The following HECTD4 variants were observed in gnomAD, a reference collection of about 807,000 sequenced individuals.
HECTD4 encodes HECT domain E3 ubiquitin protein ligase 4.
HECTD4 carries 114 observed loss-of-function variants against 471.5 expected under a neutral mutation model. The ratio of observed to expected loss-of-function variants is 0.24; its 90% confidence interval spans 0.21 to 0.28. The LOEUF (loss-of-function observed/expected upper bound fraction) is 0.28. Among genes scored for constraint, HECTD4 ranks in the 10% least tolerant of loss-of-function variants. The probability of loss-of-function intolerance (pLI) is 1.00; values close to 1 mark genes in which losing one functional copy is unlikely to be tolerated. For synonymous variants in HECTD4, 2,012 were observed against 2,256.0 expected, an observed-to-expected ratio of 0.89 and a Z score of 3.07; for missense variants, 3,866 against 5,651.5, an observed-to-expected ratio of 0.68 and a Z score of 10.13.
In HECTD4 at chr12:112,184,799, C is replaced by T. The variant is rs1376746425; in HGVS notation, c.10167G>A (p.Leu3389=). 4 of 1,610,100 alleles carry T rather than the reference C, an allele frequency of 2.5e-6. No individual in the cohort carries two copies. Among genetic ancestry groups the T allele is most frequent in the Non-Finnish European group, 3.4e-6 (4 of 1,177,434 alleles). ...AGCGGCTGTGGGCGGTGGGGCCCAC[C>T]AGGGCCTGGCAGGCATCGGCGATGG... ...SDAIADACQA[L]VGPTAHSRLL... The change falls in exon 61 of 76, where the codon CTG becomes CTA. Residue 3389 remains leucine (L), a synonymous_variant. Coordinates refer to ENST00000682272, the MANE Select transcript of HECTD4 (RefSeq NM_001388303.1). The surrounding 1 kb of genome is among the most constrained non-coding windows in gnomAD (Gnocchi z 9.1).
Position 112,175,909 on chromosome 12 carries a change from G to T in HECTD4, c.11471-50C>A, listed in dbSNP as rs780837085. ...GAATCTGGTGAGACCTGCGCACATC[G>T]CGCGCCTCCAACGTGCTCTGCTCTC... On this transcript the variant is annotated intron_variant, in intron 65 of 75. Coordinates refer to ENST00000682272, the MANE Select transcript of HECTD4 (RefSeq NM_001388303.1). The T allele has an allele frequency of 3.0e-5, 48 of 1,603,336 alleles. 1 individual carries two copies. In the South Asian group the frequency reaches 5.4e-4, roughly 18 times the overall value.
Position 112,239,856 on chromosome 12 carries a change from C to T in HECTD4, c.5105+25G>A. ...ACTATACTGCAGGGTAACTTACATA[C>T]AACAAAAGGCCTTTCCGTACTTACC... On this transcript the variant is annotated intron_variant, in intron 33 of 75. Coordinates refer to ENST00000682272, the MANE Select transcript of HECTD4 (RefSeq NM_001388303.1). The surrounding 1 kb of genome is among the most constrained non-coding windows in gnomAD (Gnocchi z 4.9). 1.3e-6 allele frequency: 2 copies of T among 1,591,256 alleles called. No homozygotes were observed. Among genetic ancestry groups the T allele is most frequent in the Non-Finnish European group, 1.7e-6 (2 of 1,165,230 alleles).
chr12:112,328,192 G>A (rs2035783830), intron 1 of HECTD4, among the ~76,000 whole-genome samples: 1 of 151,976 alleles, frequency 6.6e-6, no homozygotes, highest in Admixed American at 6.6e-5. Flanking sequence ...AGGCTGGAGT[G>A]CAGTGGTGCA....
chr12:112,217,712 T>G (rs2032963794), intron 45 of HECTD4, among the ~76,000 whole-genome samples: 1 of 152,272 alleles, frequency 6.6e-6, no homozygotes, highest in Admixed American at 6.5e-5. Flanking sequence ...TTACTATCCC[T>G]TTAAGACACT....
intron 65 of HECTD4, among the ~76,000 whole-genome samples, 175 bp from the exon 66 acceptor site, chr12:112,176,034 T>C (rs1243690034): frequency 6.6e-6 from 1 of 152,220 alleles, no homozygotes; most frequent in Non-Finnish European, 1.5e-5. Flanking sequence ...GCGCACAGGA[T>C]ACTCATAAGC....
chr12:112,361,973 T>G (rs191343080), intron 1 of HECTD4, among the ~76,000 whole-genome samples: 1 of 152,194 alleles, frequency 6.6e-6, no homozygotes, highest in South Asian at 2.1e-4. Flanking sequence ...AAGCACCAAA[T>G]AGAACTACTT....
intron 59 of HECTD4, among the ~76,000 whole-genome samples, 184 bp downstream of exon 59, chr12:112,192,376 A>G (rs2032107893): frequency 1.3e-5 from 2 of 152,242 alleles, no homozygotes; most frequent in South Asian, 2.1e-4. Context: ...GGTAGGAAAG[A>G]TAAGTCTTTT....
intron 1 of HECTD4, among the ~76,000 whole-genome samples, chr12:112,345,604 G>A (rs540599795): frequency 6.6e-6 from 1 of 152,242 alleles, no homozygotes. Context: ...AATTTTGTCA[G>A]GTGAGTATGT....
intron 48 of HECTD4, among the ~76,000 whole-genome samples, chr12:112,212,853 T>C (rs2032803800): frequency 1.3e-5 from 2 of 152,208 alleles, no homozygotes; most frequent in Admixed American, 6.5e-5. Context: ...TGGAGTACAG[T>C]GGTGCCATCT....
Position 112,184,131 on chromosome 12 carries a change from T to C in HECTD4, c.10779+56A>G. The C allele has an allele frequency of 6.9e-7, 1 of 1,459,062 alleles. No homozygotes were observed. Among genetic ancestry groups the C allele is most frequent in the Non-Finnish European group, 9.4e-7 (1 of 1,063,506 alleles). 90.4% of individuals were successfully genotyped at this position (1,459,062 alleles called of 1,614,324 possible). A position where few individuals can be genotyped will look rare whatever the true frequency, so the allele number is the denominator to read the frequency against. On this transcript the variant is annotated intron_variant, in intron 61 of 75. Transcript: ENST00000682272. The surrounding 1 kb of genome is among the most constrained non-coding windows in gnomAD (Gnocchi z 9.1). ...ATAACTTTGGAAGATTTAAAGAGGC[T>C]TGGGGGATTGAAATGGGTCATGATT...
chr12:112,352,114 A>T (rs961905930), intron 1 of HECTD4, among the ~76,000 whole-genome samples: 9 of 152,174 alleles, frequency 5.9e-5, no homozygotes, highest in South Asian at 2.1e-4. Flanking sequence ...TTAATTTTTT[A>T]AATTTTTTTG....
Position 112,228,825 on chromosome 12 carries a change from T to A in HECTD4, c.6520-14A>T, listed in dbSNP as rs879239862. On this transcript the variant is annotated splice_polypyrimidine_tract_variant and intron_variant, in intron 41 of 75. Transcript: ENST00000682272. This position sits in a 1 kb window ranked among gnomAD's most constrained non-coding sequence, Gnocchi z 4.9. ...TCTACCTAAAACCTGGAGACAGACATAGATTAGCACTACCAACCAGCTCTG... is the reference window on the plus strand; with the variant it reads ...TCTACCTAAAACCTGGAGACAGACAAAGATTAGCACTACCAACCAGCTCTG... 2.5e-6 allele frequency: 4 copies of A among 1,612,810 alleles called. No homozygotes were observed. The highest frequency in any genetic ancestry group is 3.4e-6 in the Non-Finnish European group (4 of 1,179,592).
At chr12:112,326,847 ATCT>A (rs965209532) in intron 1 of HECTD4, among the ~76,000 whole-genome samples, 9 of 152,228 alleles carry the variant, frequency 5.9e-5, no homozygotes, top group African/African-American at 2.2e-4. Flanking sequence ...AGCTAAAATC[ATCT>A]TCTCTCTTGT....
rs547162524 is a variant in HECTD4, at chr12:112,345,017, G to T, written c.178-25275C>A. On this transcript the variant is annotated intron_variant, in intron 1 of 75. Transcript: ENST00000682272. ...CATGCCTGTCCCAGCACTTTGGGAG[G>T]CCAAGGCAAGAGGATCACATGAGCC... is the stretch of plus-strand genomic sequence containing the variant. Among the ~76,000 whole-genome samples the T allele has an allele frequency of 1.6e-4, 24 of 151,882 alleles. No homozygotes were observed. In the South Asian group the frequency reaches 5.0e-3, roughly 32 times the overall value.
At position 112,200,793 on chromosome 12, in the gene HECTD4, A is replaced by C; in HGVS notation, c.8412T>G (p.Asn2804Lys). 6.2e-7 allele frequency: 1 copy of C among 1,611,538 alleles called. No individual in the cohort carries two copies. Among genetic ancestry groups the C allele is most frequent in the Non-Finnish European group, 8.5e-7 (1 of 1,178,330 alleles). Residue 2804 changes from asparagine to lysine, a missense_variant, in exon 55 of 76, where the codon AAT (asparagine) becomes AAG (lysine). This residue lies in a region of HECTD4 where 266 missense variants were observed against 441.6 expected (regional missense o/e 0.60). Transcript: ENST00000682272. The part of the protein sequence containing the change: ...HGVVLDVDSV[N>K]ELVQVETYLR... ...GGTACGTTTCTACCTGCACCAGTTC[A>C]TTCACCTACAATAGGAAAAGAAAAT...
intron 7 of HECTD4, among the ~76,000 whole-genome samples, chr12:112,285,255 C>T (rs2034726151): frequency 6.6e-6 from 1 of 152,144 alleles, no homozygotes; most frequent in African/African-American, 2.4e-5. Context: ...TGGTCAACAT[C>T]TTCATTTGCT....
chr12:112,326,158 T>C (rs182038203), intron 1 of HECTD4, among the ~76,000 whole-genome samples: 1 of 152,312 alleles, frequency 6.6e-6, no homozygotes, highest in Non-Finnish European at 1.5e-5. Context: ...TAAAATATTC[T>C]TTGCTGGCCA....
chr12:112,226,213 A>ACT (rs1555251918), intron 44 of HECTD4, among the ~76,000 whole-genome samples: 1 of 152,016 alleles, frequency 6.6e-6, no homozygotes, highest in East Asian at 1.9e-4. Context: ...ACACACTCAC[A>ACT]CACACACTCA....
chr12:112,239,878 T>C lies in HECTD4; in HGVS notation c.5105+3A>G. ...ATACAACAAAAGGCCTTTCCGTACTTACCTGGTGTAAGGTATGGTACATAA... is the reference window on the plus strand; with the variant it reads ...ATACAACAAAAGGCCTTTCCGTACTCACCTGGTGTAAGGTATGGTACATAA... On this transcript the variant is annotated splice_donor_region_variant and intron_variant, in intron 33 of 75. Transcript: ENST00000682272. The surrounding 1 kb of genome is among the most constrained non-coding windows in gnomAD (Gnocchi z 4.9). 4.3e-6 allele frequency: 7 copies of C among 1,611,210 alleles called. No individual in the cohort carries two copies. The highest frequency in any genetic ancestry group is 2.2e-5 in the East Asian group (1 of 44,864).
Sources: allele counts gnomAD v4.1 joint callset (sites outside exome capture counted in the v4.1 genomes callset), GRCh38; gene constraint gnomAD v4.1.1; regional missense constraint gnomAD v4.1.1; non-coding constraint Gnocchi (gnomAD v3.1); transcripts MANE v1.5; gene names NCBI Gene and HGNC (gene_info 2026-07-23, HGNC 2026-07-21).